AGBL4: variants seen among roughly 807,000 people sequenced by gnomAD.
The protein encoded by AGBL4 is cytosolic carboxypeptidase 6.
In AGBL4, 58 loss-of-function variants were observed where a neutral mutation model predicts 66.4. The ratio of observed to expected loss-of-function variants is 0.87; its 90% CI spans 0.71 to 1.09. The LOEUF (loss-of-function observed/expected upper bound fraction) is 1.09, where lower values mean the gene tolerates loss of function less well. Ranked by LOEUF, AGBL4 falls within the 50% of genes least tolerant of loss-of-function variation. The pLI is 0.00. For missense variants in AGBL4, 579 were observed against 631.0 expected (o/e 0.92, Z 0.88); for synonymous variants, 234 against 222.9 (o/e 1.05, Z -0.44).
At chr1:49,761,109 G>C (rs1652274547) in intron 2 of AGBL4, among the ~76,000 whole-genome samples, 1 of 150,776 alleles carries the variant, frequency 6.6e-6, no homozygotes. Context: ...TAACAAACCT[G>C]CATGTTCTGC....
At chr1:49,957,400 T>G (rs1656704243) in intron 1 of AGBL4, among the ~76,000 whole-genome samples, 1 of 152,020 alleles carries the variant, frequency 6.6e-6, no homozygotes, top group South Asian at 2.1e-4. Flanking sequence ...CTGAGTTCAA[T>G]TCCTGGGTAT....
At chr1:49,889,427 T>C (rs1202930757) in intron 1 of AGBL4, among the ~76,000 whole-genome samples, 3 of 152,238 alleles carry the variant, frequency 2.0e-5, no homozygotes, top group Admixed American at 2.0e-4. Flanking sequence ...ACATATTTTG[T>C]ATTTTCTAAT....
At chr1:49,500,361 A>T (rs889746439) in intron 3 of AGBL4, among the ~76,000 whole-genome samples, 2 of 149,872 alleles carry the variant, frequency 1.3e-5, no homozygotes, top group East Asian at 1.9e-4. Flanking sequence ...TTTGCTGTGC[A>T]GAAGCTTTTT....
chr1:49,634,113 C>G (rs571826966), intron 3 of AGBL4, among the ~76,000 whole-genome samples: 39 of 151,708 alleles, frequency 2.6e-4, no homozygotes, highest in African/African-American at 9.4e-4. Context: ...TGTGCAGAAC[C>G]TGCAGGTTTG....
chr1:49,246,610 G>A (rs954845147), intron 3 of AGBL4, among the ~76,000 whole-genome samples: 9 of 151,768 alleles, frequency 5.9e-5, no homozygotes, highest in Non-Finnish European at 1.2e-4. Flanking sequence ...TGACATTCTA[G>A]ATGCCTTTCC....
At chr1:49,278,431 C>A (rs1328070335) in intron 3 of AGBL4, among the ~76,000 whole-genome samples, 1 of 152,144 alleles carries the variant, frequency 6.6e-6, no homozygotes, top group Admixed American at 6.6e-5. Context: ...TTCCCTTTCT[C>A]AAAGCACCTG....
intron 3 of AGBL4, among the ~76,000 whole-genome samples, chr1:49,484,734 A>G (rs1647028374): frequency 6.6e-6 from 1 of 152,036 alleles, no homozygotes; most frequent in African/African-American, 2.4e-5. Context: ...ACATTTAAAG[A>G]TAACAAAAAG....
intron 3 of AGBL4, among the ~76,000 whole-genome samples, chr1:49,266,468 T>C (rs1557784492): frequency 6.6e-6 from 1 of 152,180 alleles, no homozygotes; most frequent in Non-Finnish European, 1.5e-5. Context: ...ATTTTAGCAC[T>C]AATTCAAACA....
At chr1:49,271,148 G>T (rs567834265) in intron 3 of AGBL4, among the ~76,000 whole-genome samples, 1 of 152,130 alleles carries the variant, frequency 6.6e-6, no homozygotes, top group African/African-American at 2.4e-5. Context: ...ATTTTTGAAG[G>T]TAACTATTTA....
intron 6 of AGBL4, among the ~76,000 whole-genome samples, chr1:48,808,150 G>A (rs577992470): frequency 1.1e-4 from 16 of 152,246 alleles, no homozygotes; most frequent in African/African-American, 2.4e-4. Flanking sequence ...TCTGGGACCC[G>A]GGGTAAGTCT....
Position 49,950,416 on chromosome 1 carries a change from G to A in AGBL4, c.34+73347C>T, listed in dbSNP as rs901807680. Among the ~76,000 whole-genome samples, 6 of 151,222 alleles carry A rather than the reference G, an allele frequency of 4.0e-5. No individual in the cohort carries two copies. In the Admixed American group the frequency reaches 4.0e-4, roughly 10 times the overall value. The stretch of plus-strand genomic sequence containing the variant: ...TCGTGGATTCAGGGGGAAAGGGAGG[G>A]AAAAGGGTGAGGGATAAAAGACTAC... On this transcript the variant is annotated intron_variant, in intron 1 of 13. Transcript: ENST00000371839.
At chr1:49,622,916 A>C (rs866010597) in intron 3 of AGBL4, among the ~76,000 whole-genome samples, 1 of 152,050 alleles carries the variant, frequency 6.6e-6, no homozygotes, top group African/African-American at 2.4e-5. Flanking sequence ...TCCAGTTCAA[A>C]TGCAACCCCC....
chr1:49,573,447 T>C (rs1434936312), intron 3 of AGBL4, among the ~76,000 whole-genome samples: 1 of 152,128 alleles, frequency 6.6e-6, no homozygotes, highest in Non-Finnish European at 1.5e-5. Context: ...ATTCACCATT[T>C]GTGAGAGGCA....
intron 3 of AGBL4, among the ~76,000 whole-genome samples, chr1:49,551,437 G>A (rs916152886): frequency 6.6e-6 from 1 of 152,190 alleles, no homozygotes; most frequent in Admixed American, 6.5e-5. Context: ...CTGTCAGAGG[G>A]AAGGTCTAGG....
At chr1:49,533,806 A>T (rs1651338498) in intron 3 of AGBL4, among the ~76,000 whole-genome samples, 1 of 151,964 alleles carries the variant, frequency 6.6e-6, no homozygotes, top group South Asian at 2.1e-4. Flanking sequence ...TGGGTTTCTG[A>T]TCCTGCTTCA....
chr1:49,417,864 T>C (rs1345361843), intron 3 of AGBL4, among the ~76,000 whole-genome samples: 1 of 152,156 alleles, frequency 6.6e-6, no homozygotes, highest in Non-Finnish European at 1.5e-5. Context: ...AGTGAAGGTT[T>C]TATTGCAGCT....
chr1:49,857,066 A>G (rs932551236), intron 1 of AGBL4, among the ~76,000 whole-genome samples: 1 of 152,122 alleles, frequency 6.6e-6, no homozygotes, highest in Admixed American at 6.5e-5. Flanking sequence ...GTAAATCATA[A>G]CTATTTCTAT....
intron 4 of AGBL4, among the ~76,000 whole-genome samples, chr1:49,047,181 C>T (rs145438612): frequency 6.6e-4 from 101 of 152,096 alleles, no homozygotes; most frequent in Non-Finnish European, 8.4e-4. Context: ...GGCATTGATG[C>T]CTGTACATAC....
At chr1:49,257,824 G>A (rs186973232) in intron 3 of AGBL4, among the ~76,000 whole-genome samples, 61 of 152,240 alleles carry the variant, frequency 4.0e-4, no homozygotes, top group African/African-American at 1.3e-3. Context: ...CCTCCAGCAC[G>A]GAGCTGGAGA....
Sources: gnomAD v4.1 joint callset for allele counts (sites outside exome capture counted in the v4.1 genomes callset) on GRCh38, gnomAD v4.1.1 for gene constraint, MANE v1.5 for transcripts, NCBI Gene and HGNC (gene_info 2026-07-23, HGNC 2026-07-21) for gene names.